CATSPERH: variants seen among roughly 807,000 people sequenced by gnomAD.
The protein encoded by CATSPERH is catsper channel auxiliary subunit eta, also known as cation channel sperm-associated auxiliary subunit eta.
chr11:65,088,556 T>A, the CATSPERH span: 1 of 1,525,340 alleles, frequency 6.6e-7, no homozygotes, highest in Non-Finnish European at 8.8e-7. Context: ...GAGCCCCCCA[T>A]GAGCCCCAGT....
At chr11:65,088,884 T>C in the CATSPERH span, 1 of 1,535,754 alleles carries the variant, frequency 6.5e-7, no homozygotes, top group South Asian at 1.2e-5. Context: ...TAGTGAAAGC[T>C]CATGTGGTCA....
the CATSPERH span, chr11:65,088,494 C>T: frequency 6.5e-7 from 1 of 1,536,214 alleles, no homozygotes. Flanking sequence ...CCAGAAACTC[C>T]AAGGACAGGC....
chr11:65,088,617 C>T, the CATSPERH span: 2 of 1,533,648 alleles, frequency 1.3e-6, no homozygotes, highest in Non-Finnish European at 1.7e-6. Context: ...AAGCTCCCCG[C>T]TCCCTCTTGC....
At chr11:65,088,393 T>A in the CATSPERH span, 1 of 1,491,356 alleles carries the variant, frequency 6.7e-7, no homozygotes, top group Non-Finnish European at 9.0e-7. Flanking sequence ...AACAACTTTA[T>A]TAAAACACCC....
the CATSPERH span, chr11:65,089,081 G>T: frequency 6.3e-6 from 9 of 1,439,558 alleles, no homozygotes; most frequent in Non-Finnish European, 7.5e-6. Flanking sequence ...GAGCAAGCAG[G>T]CCCTGCCCAG....
chr11:65,088,701 G>A, the CATSPERH span: 1 of 1,536,224 alleles, frequency 6.5e-7, no homozygotes, highest in African/African-American at 1.4e-5. Context: ...TGTCATCTCA[G>A]CATAGAGTGA....
the CATSPERH span, chr11:65,089,087 C>A: frequency 7.1e-7 from 1 of 1,408,492 alleles, no homozygotes; most frequent in Non-Finnish European, 9.6e-7. Context: ...GCAGGCCCTG[C>A]CCAGGAAAAG....
chr11:65,088,469 C>A, the CATSPERH span: 1 of 1,536,266 alleles, frequency 6.5e-7, no homozygotes, highest in Non-Finnish European at 8.7e-7. Context: ...TGGTGCTCCT[C>A]CCGGTACTCG....
chr11:65,088,930 G>A, the CATSPERH span: 1 of 1,535,782 alleles, frequency 6.5e-7, no homozygotes, highest in Non-Finnish European at 8.7e-7. Flanking sequence ...GCACGTCTCT[G>A]ATGAAGATGC....
the CATSPERH span, chr11:65,088,856 AC>A: frequency 6.5e-7 from 1 of 1,535,774 alleles, no homozygotes; most frequent in South Asian, 1.2e-5. Context: ...CCCTGAGCCT[AC>A]CATCAGGACG....
At chr11:65,088,827 G>T in the CATSPERH span, 1 of 1,535,462 alleles carries the variant, frequency 6.5e-7, no homozygotes, top group African/African-American at 1.4e-5. Context: ...GTCTCCCACA[G>T]CCAGCCCTTG....
chr11:65,088,763 C>T, the CATSPERH span: 4 of 1,535,832 alleles, frequency 2.6e-6, no homozygotes, highest in South Asian at 4.8e-5. Context: ...GTAGGCCCAT[C>T]CAGTGGGAGA....
At chr11:65,088,657 T>A in the CATSPERH span, 1 of 1,536,316 alleles carries the variant, frequency 6.5e-7, no homozygotes, top group African/African-American at 1.4e-5. Context: ...TCACTCAGGA[T>A]GGTCAGGGCG....
chr11:65,088,551 C>T, the CATSPERH span: 80 of 1,527,314 alleles, frequency 5.2e-5, no homozygotes, highest in Middle Eastern at 1.7e-4. Context: ...GGACAGAGCC[C>T]CCCATGAGCC....
the CATSPERH span, chr11:65,088,701 G>C: frequency 2.0e-6 from 3 of 1,536,224 alleles, no homozygotes; most frequent in Non-Finnish European, 2.6e-6. Context: ...TGTCATCTCA[G>C]CATAGAGTGA....
chr11:65,088,714 C>T, the CATSPERH span: 2 of 1,536,182 alleles, frequency 1.3e-6, no homozygotes, highest in African/African-American at 2.7e-5. Flanking sequence ...TAGAGTGACC[C>T]CATGGCAGCC....
the CATSPERH span, chr11:65,088,461 G>T: frequency 2.6e-6 from 4 of 1,536,252 alleles, no homozygotes; most frequent in Non-Finnish European, 3.5e-6. Flanking sequence ...GGCCTCAGTG[G>T]TGCTCCTCCC....
chr11:65,088,810 C>A, the CATSPERH span: 1 of 1,535,330 alleles, frequency 6.5e-7, no homozygotes, highest in Non-Finnish European at 8.7e-7. Context: ...TTCCATCAGC[C>A]CCTCGGGTCT....
At chr11:65,088,896 A>C in the CATSPERH span, 3 of 1,535,772 alleles carry the variant, frequency 2.0e-6, no homozygotes, top group Admixed American at 2.0e-5. Context: ...ATGTGGTCAT[A>C]GTGGTAGGTG....
Sources: allele counts gnomAD v4.1 joint callset, GRCh38; gene constraint gnomAD v4.1.1; transcripts MANE v1.5; gene names NCBI Gene and HGNC (gene_info 2026-07-23, HGNC 2026-07-21).